The following SNUPN variants were observed in gnomAD, a reference collection of about 807,000 sequenced individuals.
SNUPN encodes the protein snurportin-1.
SNUPN carries 31 observed loss-of-function variants against 39.2 expected under a neutral mutation model. The ratio of observed to expected loss-of-function variants is 0.79; its 90% confidence interval spans 0.59 to 1.07. The LOEUF is 1.07. Among genes scored for constraint, SNUPN ranks in the 50% least tolerant of loss-of-function variants. The probability of loss-of-function intolerance (pLI) is 0.00; values close to 1 mark genes in which losing one functional copy is unlikely to be tolerated. For missense variants in SNUPN, 382 were observed against 434.2 expected (o/e 0.88, Z 1.07); for synonymous variants, 132 against 159.0 (o/e 0.83, Z 1.28).
intron 1 of SNUPN, among the ~76,000 whole-genome samples, chr15:75,624,075 C>T (rs1229389682): frequency 1.3e-5 from 2 of 149,364 alleles, no homozygotes; most frequent in East Asian, 4.0e-4. Flanking sequence ...CTACAGGCGC[C>T]CGCCACTACG....
chr15:75,614,278 G>A (rs1271947584), intron 3 of SNUPN, among the ~76,000 whole-genome samples: 1 of 152,032 alleles, frequency 6.6e-6, no homozygotes, highest in Non-Finnish European at 1.5e-5. Flanking sequence ...GTGAGAGAGT[G>A]AGACTTCATC....
chr15:75,616,762 T>C (rs575099833), intron 3 of SNUPN, among the ~76,000 whole-genome samples: 20 of 152,242 alleles, frequency 1.3e-4, no homozygotes, highest in Non-Finnish European at 2.4e-4. Flanking sequence ...TCCATACCTC[T>C]TTCCCTATGG....
In SNUPN at chr15:75,603,336, C is replaced by T. The variant is rs1595981940; in HGVS notation, c.678+1814G>A. 4.8e-5 allele frequency among the ~76,000 whole-genome samples: 7 copies of T among 146,394 alleles called. No individual in the cohort carries two copies. The South Asian group carries it at 1.6e-3, about 33-fold the overall frequency. On this transcript the variant is annotated intron_variant, in intron 7 of 8. Coordinates refer to ENST00000308588, the MANE Select transcript of SNUPN (RefSeq NM_005701.4). ...TGCTGGGATTACAGGCGTGAGCTACCGCACTCGGCCTGGCCCAGGTATTTT... is the reference window on the plus strand; with the variant it reads ...TGCTGGGATTACAGGCGTGAGCTACTGCACTCGGCCTGGCCCAGGTATTTT...
At chr15:75,615,993 C>A (rs1358812754) in intron 3 of SNUPN, among the ~76,000 whole-genome samples, 1 of 152,100 alleles carries the variant, frequency 6.6e-6, no homozygotes, top group African/African-American at 2.4e-5. Context: ...TCTATCTTCC[C>A]ATGTCATAGC....
chr15:75,607,008 T>C (rs2075335800), intron 6 of SNUPN, among the ~76,000 whole-genome samples: 1 of 152,246 alleles, frequency 6.6e-6, no homozygotes, highest in Admixed American at 6.5e-5. Flanking sequence ...AAGAACTGCA[T>C]GTTTCTCTTA....
intron 3 of SNUPN, among the ~76,000 whole-genome samples, chr15:75,611,005 CA>C (rs1892764638): frequency 6.6e-6 from 1 of 151,226 alleles, no homozygotes; most frequent in Non-Finnish European, 1.5e-5. Context: ...CCGTCTCTAC[CA>C]AAAATACAAA....
intron 1 of SNUPN, among the ~76,000 whole-genome samples, chr15:75,623,823 G>A (rs1330923895): frequency 6.6e-6 from 1 of 152,030 alleles, no homozygotes; most frequent in Non-Finnish European, 1.5e-5. Context: ...ATGAGTGCTT[G>A]GGATCCATAT....
chr15:75,624,549 T>C (rs1199820816), intron 1 of SNUPN, among the ~76,000 whole-genome samples: 1 of 148,828 alleles, frequency 6.7e-6, no homozygotes, highest in Non-Finnish European at 1.5e-5. Context: ...GACGGGCGCC[T>C]GTAGTCCCAG....
intron 7 of SNUPN, 113 bp from the exon 8 acceptor site, chr15:75,601,331 T>C (rs920398319): frequency 1.4e-6 from 1 of 713,514 alleles, no homozygotes; most frequent in Admixed American, 2.2e-5. Context: ...TCCCAGCACT[T>C]TGGGAGGCAA....
rs1376860342 is a variant in SNUPN, at chr15:75,617,498, T to G, written c.213A>C (p.Thr71=). ...HARRLAEDDW[T]GMESEEENKK... ...TATTTTCTTCCTCACTCTCCATCCC[T>G]GTCCAGTCATCTTCAGCCAGTCTTC... Residue 71 remains threonine (T), a synonymous_variant, in exon 3 of 9, where the codon ACA becomes ACC. Transcript: ENST00000308588. The G allele has an allele frequency of 6.2e-7, 1 of 1,614,000 alleles. No homozygotes were observed. Among genetic ancestry groups the G allele is most frequent in the Non-Finnish European group, 8.5e-7 (1 of 1,180,022 alleles).
intron 7 of SNUPN, among the ~76,000 whole-genome samples, chr15:75,603,208 C>G (rs964129787): frequency 2.6e-5 from 4 of 151,336 alleles, no homozygotes; most frequent in African/African-American, 9.7e-5. Context: ...CCACCACGAC[C>G]GGCTAATTTT....
chr15:75,619,954 G>A (rs1195949738), intron 2 of SNUPN, among the ~76,000 whole-genome samples: 3 of 152,062 alleles, frequency 2.0e-5, no homozygotes, highest in Non-Finnish European at 4.4e-5. Flanking sequence ...TCGCCATGTT[G>A]GTCAGGCCAG....
rs34924144 is a variant in SNUPN, at chr15:75,604,157, CT to C, written c.678+992del. Among the ~76,000 whole-genome samples the C allele has an allele frequency of 4.0e-3, 463 of 114,928 alleles. 4 individuals carry two copies. In the East Asian group the frequency reaches 0.075, roughly 19 times the overall value. 75.4% of individuals were successfully genotyped at this position (114,928 alleles called of 152,430 possible). The stretch of plus-strand genomic sequence containing the variant: ...TAACTGGTTGTCCAATTCCCTTTAA[CT>C]TTTTTTTTTTTTTTTTTTTTGTGAC... On this transcript the variant is annotated intron_variant, in intron 7 of 8. Transcript: ENST00000308588.
At chr15:75,604,242 C>G (rs2075314368) in intron 7 of SNUPN, among the ~76,000 whole-genome samples, 1 of 145,330 alleles carries the variant, frequency 6.9e-6, no homozygotes, top group South Asian at 2.2e-4. Flanking sequence ...CTCACTGCAA[C>G]CTCCGCCTCC....
At chr15:75,605,033 C>A in intron 7 of SNUPN, 117 bp downstream of exon 7, 1 of 697,016 alleles carries the variant, frequency 1.4e-6, no homozygotes, top group Non-Finnish European at 2.5e-6. Flanking sequence ...ATACTCTTCC[C>A]TTTATACCAT....
At chr15:75,602,539 A>T (rs1283626865) in intron 7 of SNUPN, among the ~76,000 whole-genome samples, 1 of 151,880 alleles carries the variant, frequency 6.6e-6, no homozygotes, top group Non-Finnish European at 1.5e-5. Flanking sequence ...AAAAAAAAAA[A>T]AAATATTACT....
At chr15:75,622,119 T>C (rs1893089848) in intron 1 of SNUPN, among the ~76,000 whole-genome samples, 3 of 152,136 alleles carry the variant, frequency 2.0e-5, no homozygotes, top group African/African-American at 7.2e-5. Context: ...TCCCAGCACT[T>C]TGGGAGGCCA....
At chr15:75,616,933 C>T (rs1255672583) in intron 3 of SNUPN, among the ~76,000 whole-genome samples, 1 of 152,184 alleles carries the variant, frequency 6.6e-6, no homozygotes, top group Non-Finnish European at 1.5e-5. Context: ...GTACTTCCCA[C>T]TTGCCACCAC....
intron 2 of SNUPN, among the ~76,000 whole-genome samples, chr15:75,620,141 A>T (rs2141378193): frequency 6.6e-6 from 1 of 152,314 alleles, no homozygotes; most frequent in South Asian, 2.1e-4. Context: ...ATGATCTGGG[A>T]ATGTATTCTG....
Sources: gnomAD v4.1 joint callset for allele counts (sites outside exome capture counted in the v4.1 genomes callset) on GRCh38, gnomAD v4.1.1 for gene constraint, MANE v1.5 for transcripts, NCBI Gene and HGNC (gene_info 2026-07-23, HGNC 2026-07-21) for gene names.